The following GPHN variants were observed in gnomAD, a reference collection of about 807,000 sequenced individuals.
GPHN encodes gephyrin.
GPHN carries 17 observed loss-of-function variants against 95.5 expected under a neutral mutation model. The ratio of observed to expected loss-of-function variants is 0.18; its 90% CI spans 0.12 to 0.27. The LOEUF (loss-of-function observed/expected upper bound fraction) is 0.27, where lower values mean the gene tolerates loss of function less well. Ranked by LOEUF, GPHN falls within the 10% of genes least tolerant of loss-of-function variation. The pLI is 1.00. For synonymous variants in GPHN, 320 were observed against 322.5 expected (o/e 0.99, Z 0.08); for missense variants, 660 against 978.1 (o/e 0.67, Z 4.34).
At chr14:67,565,147 G>C in the GPHN span, among the ~76,000 whole-genome samples, 1 of 152,186 alleles carries the variant, frequency 6.6e-6, no homozygotes, top group African/African-American at 2.4e-5. Flanking sequence ...GGAGTAAGGT[G>C]TGGTTTCTCC....
chr14:67,698,223 T>A, the GPHN span, among the ~76,000 whole-genome samples: 71 of 152,348 alleles, frequency 4.7e-4, 2 homozygotes, highest in South Asian at 0.014. Flanking sequence ...TGCATATCCA[T>A]ATAAAATTTG....
chr14:67,109,476 A>G (rs563254343), intron 13 of GPHN, among the ~76,000 whole-genome samples: 37 of 152,312 alleles, frequency 2.4e-4, no homozygotes, highest in African/African-American at 7.9e-4. Context: ...TATACCATCA[A>G]TATGAGAGCA....
chr14:66,848,167 AGT>A, intron 4 of GPHN, among the ~76,000 whole-genome samples: 1 of 152,066 alleles, frequency 6.6e-6, no homozygotes, highest in East Asian at 1.9e-4. Context: ...GAAGAAATTT[AGT>A]GTTTTTTACT....
intron 9 of GPHN, among the ~76,000 whole-genome samples, chr14:67,010,180 A>G (rs563298783): frequency 1.3e-5 from 2 of 152,304 alleles, no homozygotes; most frequent in East Asian, 3.9e-4. Context: ...AGTAACTTTT[A>G]TCAGAAAGAA....
At chr14:66,806,051 C>G (rs1021936202) in intron 3 of GPHN, among the ~76,000 whole-genome samples, 1 of 152,202 alleles carries the variant, frequency 6.6e-6, no homozygotes, top group African/African-American at 2.4e-5. Flanking sequence ...GGCATCCAGG[C>G]GTTTTCATAT....
intron 1 of GPHN, among the ~76,000 whole-genome samples, chr14:66,648,022 A>G (rs1345743610): frequency 1.3e-5 from 2 of 152,154 alleles, no homozygotes; most frequent in Non-Finnish European, 2.9e-5. Flanking sequence ...ATGTATATAA[A>G]TCAGTTGATT....
intron 9 of GPHN, among the ~76,000 whole-genome samples, chr14:67,005,423 C>A (rs2072532424): frequency 6.6e-6 from 1 of 151,734 alleles, no homozygotes; most frequent in African/African-American, 2.4e-5. Flanking sequence ...AACTTGAGGG[C>A]TTTTTCTACA....
At chr14:67,675,384 G>C in the GPHN span, among the ~76,000 whole-genome samples, 2 of 151,340 alleles carry the variant, frequency 1.3e-5, no homozygotes, top group Non-Finnish European at 3.0e-5. Context: ...CGCACTTTTG[G>C]CCCCAGCTAC....
At chr14:66,986,973 T>G (rs576927571) in intron 9 of GPHN, among the ~76,000 whole-genome samples, 1 of 152,278 alleles carries the variant, frequency 6.6e-6, no homozygotes, top group Admixed American at 6.5e-5. Context: ...TGTCCTTTAT[T>G]TCAGAAAAGC....
the GPHN span, chr14:67,334,727 T>G: frequency 6.6e-6 from 1 of 152,256 alleles, no homozygotes; most frequent in Non-Finnish European, 1.5e-5. Flanking sequence ...TCTCTTCAGA[T>G]CTGAAATACT....
chr14:67,107,601 G>C (rs776607149), intron 13 of GPHN, among the ~76,000 whole-genome samples: 1 of 152,196 alleles, frequency 6.6e-6, no homozygotes, highest in Non-Finnish European at 1.5e-5. Context: ...CTCAGCAGCA[G>C]CTCGGGTCAC....
chr14:66,600,196 T>C (rs1357420005), intron 1 of GPHN, among the ~76,000 whole-genome samples: 1 of 152,102 alleles, frequency 6.6e-6, no homozygotes, highest in East Asian at 1.9e-4. Context: ...GCCAATGTTA[T>C]ATATCTGTTA....
chr14:67,217,438 T>G, the GPHN span, among the ~76,000 whole-genome samples: 1 of 152,330 alleles, frequency 6.6e-6, no homozygotes, highest in Non-Finnish European at 1.5e-5. Flanking sequence ...AAAGACTTAC[T>G]CATGTCATTT....
chr14:67,562,417 G>A, the GPHN span: 2 of 1,613,880 alleles, frequency 1.2e-6, no homozygotes, highest in South Asian at 2.2e-5. Flanking sequence ...TGGGAAGAGA[G>A]AGCCCTCCCC....
intron 1 of GPHN, among the ~76,000 whole-genome samples, chr14:66,537,089 A>G (rs1363314844): frequency 1.3e-5 from 2 of 151,964 alleles, no homozygotes; most frequent in Non-Finnish European, 2.9e-5. Context: ...CTTCCATGGT[A>G]TGATTTTTTC....
the GPHN span, chr14:67,395,383 C>T: frequency 0.019 from 31,029 of 1,609,504 alleles, 360 homozygotes; most frequent in Middle Eastern, 0.039. Context: ...CCACAGAGCC[C>T]GGCAAGTGGG....
chr14:66,972,285 G>C (rs1373933341), intron 9 of GPHN, among the ~76,000 whole-genome samples: 1 of 123,592 alleles, frequency 8.1e-6, no homozygotes, highest in East Asian at 2.4e-4. Context: ...AAAAAAAAAA[G>C]AAAGAAAAAA....
chr14:67,080,790 C>T (rs535757600), intron 11 of GPHN, among the ~76,000 whole-genome samples: 3 of 152,184 alleles, frequency 2.0e-5, no homozygotes, highest in Non-Finnish European at 2.9e-5. Context: ...CCCCAAAGTC[C>T]GCTGTATCAT....
At chr14:67,164,672 A>G (rs1447188849) in intron 19 of GPHN, among the ~76,000 whole-genome samples, 1 of 151,982 alleles carries the variant, frequency 6.6e-6, no homozygotes, top group South Asian at 2.1e-4. Context: ...TTGTATTTTT[A>G]GTAGAGACAG....
Sources: allele counts gnomAD v4.1 joint callset (sites outside exome capture counted in the v4.1 genomes callset), GRCh38; gene constraint gnomAD v4.1.1; transcripts MANE v1.5; gene names NCBI Gene and HGNC (gene_info 2026-07-23, HGNC 2026-07-21).